The following FRMD6 variants were observed in gnomAD, a reference collection of about 807,000 sequenced individuals.
The protein encoded by FRMD6 is FERM domain-containing protein 6.
In FRMD6, 37 loss-of-function variants were observed where a neutral mutation model predicts 73.2. The ratio of observed to expected loss-of-function variants is 0.51; its 90% CI spans 0.39 to 0.66. The LOEUF is 0.66. FRMD6 is among the 30% of genes least tolerant of loss of function. The probability of loss-of-function intolerance (pLI) is 0.00; values close to 1 mark genes in which losing one functional copy is unlikely to be tolerated. For missense variants in FRMD6, 714 were observed against 780.5 expected, an observed-to-expected ratio of 0.91 and a Z score of 1.02; for synonymous variants, 273 against 282.2, an observed-to-expected ratio of 0.97 and a Z score of 0.33.
intron 1 of FRMD6, among the ~76,000 whole-genome samples, chr14:51,671,688 A>G (rs1405407612): frequency 6.6e-6 from 1 of 152,204 alleles, no homozygotes; most frequent in Non-Finnish European, 1.5e-5. Context: ...GGTGCTTTAG[A>G]AAAAGTTTAT....
chr14:51,427,554 T>C, the FRMD6 span, among the ~76,000 whole-genome samples: 1 of 152,240 alleles, frequency 6.6e-6, no homozygotes, highest in African/African-American at 2.4e-5. Flanking sequence ...ATTTTACTTA[T>C]GCAAACATTG....
intron 12 of FRMD6, among the ~76,000 whole-genome samples, chr14:51,725,213 T>G (rs990621525): frequency 6.6e-6 from 1 of 152,136 alleles, no homozygotes; most frequent in Non-Finnish European, 1.5e-5. Context: ...TTGGCCCGAT[T>G]TTATACGAGA....
the FRMD6 span, among the ~76,000 whole-genome samples, chr14:51,421,455 A>G: frequency 2.6e-5 from 4 of 152,262 alleles, 1 homozygote; most frequent in African/African-American, 9.6e-5. Flanking sequence ...AGTTAAAAAA[A>G]GAGTGGAAAA....
chr14:51,454,401 C>T, the FRMD6 span: 1 of 152,176 alleles, frequency 6.6e-6, no homozygotes, highest in Admixed American at 6.5e-5. Flanking sequence ...TTCCTTCTTG[C>T]CTTTCCTATG....
At chr14:51,447,103 A>G in the FRMD6 span, among the ~76,000 whole-genome samples, 1 of 152,232 alleles carries the variant, frequency 6.6e-6, no homozygotes, top group South Asian at 2.1e-4. Context: ...AGGACTCACA[A>G]GGAATCCTTT....
intron 1 of FRMD6, among the ~76,000 whole-genome samples, chr14:51,563,164 C>A (rs1040057293): frequency 3.9e-4 from 59 of 152,256 alleles, no homozygotes; most frequent in African/African-American, 1.3e-3. Context: ...CCCAGGAGAA[C>A]CAGGAGGAAG....
upstream of FRMD6, among the ~76,000 whole-genome samples, chr14:51,648,647 A>G (rs1892187074): frequency 6.6e-6 from 1 of 152,116 alleles, no homozygotes; most frequent in Non-Finnish European, 1.5e-5. Flanking sequence ...CCTTCTCACT[A>G]TTCTTCCTGC....
At chr14:51,583,798 C>T (rs1218817145) in intron 2 of FRMD6, among the ~76,000 whole-genome samples, 1 of 152,176 alleles carries the variant, frequency 6.6e-6, no homozygotes, top group Non-Finnish European at 1.5e-5. Context: ...TAGTGGACAA[C>T]TTGGTTCTGG....
the FRMD6 span, among the ~76,000 whole-genome samples, chr14:51,420,606 A>AT: frequency 6.6e-6 from 1 of 152,248 alleles, no homozygotes; most frequent in African/African-American, 2.4e-5. Context: ...GGATGCTTGC[A>AT]TTTGTACTGA....
chr14:51,629,725 T>C (rs2104051), intron 2 of FRMD6, among the ~76,000 whole-genome samples: 97,865 of 152,108 alleles, frequency 0.64, 31,828 homozygotes, highest in Middle Eastern at 0.73. Flanking sequence ...ACCCAGGCTC[T>C]GTGCTGACTA....
Position 51,720,123 on chromosome 14 carries a change from C to T in FRMD6, c.1093C>T (p.Arg365Trp), listed in dbSNP as rs201856751. ...LDLDMDQLEK[R>W]SRASGSSAGS... ...CCTCGACATGGACCAGCTGGAAAAA[C>T]GGTCGCGGGCCAGCGGGAGCAGTGC... Residue 365 changes from arginine (R) to tryptophan (W), a missense_variant, in exon 11 of 14, where the codon CGG (arginine) becomes TGG (tryptophan). Coordinates refer to ENST00000344768, the MANE Select transcript of FRMD6 (RefSeq NM_001267046.2). 9.9e-6 allele frequency: 16 copies of T among 1,613,774 alleles called. No individual in the cohort carries two copies. The highest frequency in any genetic ancestry group is 3.3e-5 in the Admixed American group (2 of 60,012).
intron 1 of FRMD6, among the ~76,000 whole-genome samples, chr14:51,533,379 AC>A (rs1266079418): frequency 8.5e-5 from 13 of 152,286 alleles, no homozygotes; most frequent in African/African-American, 3.1e-4. Context: ...GCTGGATAAA[AC>A]AGGTTCCACA....
intron 2 of FRMD6, among the ~76,000 whole-genome samples, chr14:51,644,389 T>A (rs28619930): frequency 0.067 from 4,576 of 67,948 alleles, 144 homozygotes; most frequent in African/African-American, 0.14. Context: ...ACACACACAC[T>A]CACTCACTCT....
chr14:51,649,590 G>A (rs1379016390), upstream of FRMD6: 1 of 151,868 alleles, frequency 6.6e-6, no homozygotes, highest in Non-Finnish European at 1.5e-5. Flanking sequence ...ATCTCAGTAG[G>A]TACCAAATTA....
intron 2 of FRMD6, among the ~76,000 whole-genome samples, chr14:51,696,372 G>A (rs1895942506): frequency 6.6e-6 from 1 of 150,878 alleles, no homozygotes; most frequent in African/African-American, 2.4e-5. Flanking sequence ...GCATTATTAT[G>A]AGATAATAAT....
chr14:51,398,891 A>T, the FRMD6 span, among the ~76,000 whole-genome samples: 1 of 152,138 alleles, frequency 6.6e-6, no homozygotes, highest in Non-Finnish European at 1.5e-5. Context: ...TCCTTGGCTC[A>T]AAACATGTCA....
At chr14:51,444,232 G>A in the FRMD6 span, among the ~76,000 whole-genome samples, 1 of 152,170 alleles carries the variant, frequency 6.6e-6, no homozygotes, top group Non-Finnish European at 1.5e-5. Flanking sequence ...CCCAGCAGTG[G>A]GTTTTTATCT....
intron 1 of FRMD6, among the ~76,000 whole-genome samples, chr14:51,518,142 C>T (rs1884736817): frequency 6.6e-6 from 1 of 152,126 alleles, no homozygotes; most frequent in South Asian, 2.1e-4. Flanking sequence ...GGCACCTATC[C>T]CCGTGGAATT....
intron 1 of FRMD6, among the ~76,000 whole-genome samples, chr14:51,561,060 C>A (rs952566448): frequency 6.6e-6 from 1 of 152,202 alleles, no homozygotes; most frequent in Non-Finnish European, 1.5e-5. Flanking sequence ...AACTTGCCAT[C>A]CCACTTGAAA....
Sources: gnomAD v4.1 joint callset for allele counts (sites outside exome capture counted in the v4.1 genomes callset) on GRCh38, gnomAD v4.1.1 for gene constraint, MANE v1.5 for transcripts, NCBI Gene and HGNC (gene_info 2026-07-23, HGNC 2026-07-21) for gene names.